Variants in VDR observed in about 807,000 individuals in gnomAD.
VDR encodes the protein vitamin D3 receptor.
In VDR, 19 loss-of-function variants were observed where a neutral mutation model predicts 39.7. The ratio of observed to expected loss-of-function variants is 0.48; its 90% CI spans 0.33 to 0.70. VDR has a LOEUF of 0.70. Ranked by LOEUF, VDR falls within the 30% of genes least tolerant of loss-of-function variation. The probability of loss-of-function intolerance (pLI) is 0.02; values close to 1 mark genes in which losing one functional copy is unlikely to be tolerated. For synonymous variants in VDR, 242 were observed against 215.8 expected, an observed-to-expected ratio of 1.12 and a Z score of -1.07; for missense variants, 442 against 570.5, an observed-to-expected ratio of 0.77 and a Z score of 2.29.
At chr12:47,869,466 G>C (rs1207047996) in intron 3 of VDR, among the ~76,000 whole-genome samples, 1 of 148,790 alleles carries the variant, frequency 6.7e-6, no homozygotes, top group Non-Finnish European at 1.5e-5. Context: ...AACCCGGGAG[G>C]TGGAGCTTGC....
chr12:47,889,207 G>C (rs117770756), intron 1 of VDR, among the ~76,000 whole-genome samples: 15 of 151,988 alleles, frequency 9.9e-5, no homozygotes, highest in Non-Finnish European at 1.3e-4. Flanking sequence ...CATATCCAAG[G>C]CCACACAGTA....
Position 47,844,823 on chromosome 12 carries a change from A to G in VDR, c.1207T>C (p.Cys403Arg). The G allele has an allele frequency of 6.2e-7, 1 of 1,614,230 alleles. No individual in the cohort carries two copies. The highest frequency in any genetic ancestry group is 1.1e-5 in the South Asian group (1 of 91,092). ...LNEEHSKQYR[C>R]LSFQPECSMK... The stretch of plus-strand genomic sequence containing the variant: ...CTGCACTCAGGCTGGAAGGAGAGGC[A>G]GCGGTACTGCTTGGAGTGCTCCTCA... The change falls in exon 10 of 10, where the codon TGC (cysteine) becomes CGC (arginine). Residue 403 changes from cysteine to arginine, a missense_variant. This residue lies in a region of VDR where 173 missense variants were observed against 252.0 expected (regional missense o/e 0.69). Coordinates refer to ENST00000549336, the MANE Select transcript of VDR (RefSeq NM_000376.3).
At chr12:47,848,055 A>G (rs1483857020) in intron 7 of VDR, among the ~76,000 whole-genome samples, 2 of 152,082 alleles carry the variant, frequency 1.3e-5, no homozygotes, top group Non-Finnish European at 2.9e-5. Flanking sequence ...GCCCGCCACC[A>G]TGGCCAGCTA....
In VDR at chr12:47,887,287, A is replaced by G. The variant is rs578032829; in HGVS notation, c.-83-4513T>C. Among the ~76,000 whole-genome samples the G allele has an allele frequency of 5.6e-5, 8 of 142,188 alleles. 1 individual carries two copies. The highest frequency in any genetic ancestry group is 2.2e-4 in the African/African-American group (8 of 36,690). The allele number at this position is 142,188 out of a possible 152,430, so 93.3% of individuals were successfully genotyped here. A position where few individuals can be genotyped will look rare whatever the true frequency, so the allele number is the denominator to read the frequency against. ...CAGTGAGCAGAGATCGCACCGTTGT[A>G]CTCCAGCCTGGGCGACAAGAGTAAA... On this transcript the variant is annotated intron_variant, in intron 1 of 9. Transcript: ENST00000549336.
intron 1 of VDR, among the ~76,000 whole-genome samples, chr12:47,895,961 C>A (rs1267544059): frequency 2.0e-5 from 3 of 152,232 alleles, no homozygotes; most frequent in African/African-American, 4.8e-5. Flanking sequence ...GGCCCCCTGA[C>A]CAGCACACAC....
rs552354793 is a variant in VDR at position 47,869,153 on chromosome 12, T to C, written c.147-3976A>G. ...CTCATTTTTCTCATGTCACTTTAAA[T>C]ATGAAGCTCCATCTCAGATGTCTAT... On this transcript the variant is annotated intron_variant, in intron 3 of 9. Coordinates refer to ENST00000549336, the MANE Select transcript of VDR (RefSeq NM_000376.3). 1.2e-3 allele frequency among the ~76,000 whole-genome samples: 185 copies of C among 152,308 alleles called. 1 individual carries two copies. The highest frequency in any genetic ancestry group is 9.7e-4 in the East Asian group (5 of 5,174).
intron 4 of VDR, among the ~76,000 whole-genome samples, chr12:47,859,923 T>TTCTC (rs1555151337): frequency 2.0e-5 from 1 of 50,956 alleles, no homozygotes; most frequent in Non-Finnish European, 3.8e-5. Context: ...CCTTCTTTCT[T>TTCTC]TTTCTTTCTT....
At chr12:47,857,462 T>C in intron 5 of VDR, 42 bp downstream of exon 5, 1 of 1,613,890 alleles carries the variant, frequency 6.2e-7, no homozygotes, top group Middle Eastern at 1.6e-4. Context: ...CCACTAGTGC[T>C]TCTCCTCTGG....
chr12:47,873,961 C>G (rs146757579), intron 3 of VDR, among the ~76,000 whole-genome samples: 23 of 152,284 alleles, frequency 1.5e-4, no homozygotes, highest in Admixed American at 9.2e-4. Flanking sequence ...ATAACCCAAG[C>G]ACAGGGAAGA....
chr12:47,902,183 G>C (rs547151105), intron 1 of VDR, among the ~76,000 whole-genome samples: 3 of 152,294 alleles, frequency 2.0e-5, no homozygotes, highest in South Asian at 2.1e-4. Flanking sequence ...GTATAACCAT[G>C]CATGGCATCC....
Position 47,878,897 on chromosome 12 carries a change from C to T in VDR, c.146+71G>A, listed in dbSNP as rs532766132. 8.2e-5 allele frequency: 132 copies of T among 1,611,160 alleles called. 1 individual carries two copies. The East Asian group carries it at 1.2e-3, about 15-fold the overall frequency. ...GAAGGAGATGTGAAAAATGCAAGGG[C>T]TCCCTTCATGGAAACACCTTGCTTC... is the stretch of plus-strand genomic sequence containing the variant. On this transcript the variant is annotated intron_variant, in intron 3 of 9. Transcript: ENST00000549336.
At chr12:47,870,709 C>T (rs544771484) in intron 3 of VDR, among the ~76,000 whole-genome samples, 62 of 152,270 alleles carry the variant, frequency 4.1e-4, no homozygotes, top group African/African-American at 1.4e-3. Context: ...ATAACCCAGG[C>T]GTAGGGTCAA....
At chr12:47,881,630 A>T (rs1946152565) in intron 2 of VDR, among the ~76,000 whole-genome samples, 1 of 152,192 alleles carries the variant, frequency 6.6e-6, no homozygotes, top group Non-Finnish European at 1.5e-5. Flanking sequence ...TATTATTAGC[A>T]AAACACTACA....
In VDR at chr12:47,855,497, G is replaced by A. The variant is rs147052214; in HGVS notation, c.755+133C>T. Reference sequence around the variant, plus strand: ...ATCGCGCCACTGCACTCCAGCCTGCGTGACAGAGCAAGATGCCGTTTAAAA... The same window carrying A: ...ATCGCGCCACTGCACTCCAGCCTGCATGACAGAGCAAGATGCCGTTTAAAA... On this transcript the variant is annotated intron_variant, in intron 7 of 9. Coordinates refer to ENST00000549336, the MANE Select transcript of VDR (RefSeq NM_000376.3). 734 of 1,092,054 alleles carry A rather than the reference G, an allele frequency of 6.7e-4. 5 individuals carry two copies. The East Asian group carries it at 0.016, about 24-fold the overall frequency. The allele number at this position is 1,092,054 out of a possible 1,614,324, so 67.6% of individuals were successfully genotyped here. A position where few individuals can be genotyped will look rare whatever the true frequency, so the allele number is the denominator to read the frequency against.
At position 47,857,192 on chromosome 12, in the gene VDR, G is replaced by A. The variant is rs1945507395; in HGVS notation, c.520C>T (p.His174Tyr). ...GAGTCCCCAGAGAAGCTGGGAGTGT[G>A]TCTGGAGTTGGGCCTGGAAGGATGG... ...GSHPSRPNSR[H>Y]TPSFSGDSSS... is the part of the protein sequence containing the mutation. Residue 174 changes from histidine to tyrosine, a missense_variant, in exon 6 of 10, where the codon CAC becomes TAC. By Grantham distance (83) the His-to-Tyr change is moderately conservative. This residue lies in a region of VDR where 77 missense variants were observed against 67.4 expected (regional missense o/e 1.14). Transcript: ENST00000549336. 5 of 1,614,182 alleles carry A rather than the reference G, an allele frequency of 3.1e-6. No homozygotes were observed. The highest frequency in any genetic ancestry group is 4.2e-6 in the Non-Finnish European group (5 of 1,180,028).
chr12:47,889,919 G>C (rs2137230254), intron 1 of VDR, among the ~76,000 whole-genome samples: 1 of 152,218 alleles, frequency 6.6e-6, no homozygotes, highest in African/African-American at 2.4e-5. Flanking sequence ...TCCAGGCTAA[G>C]CATCTGTCTT....
At chr12:47,847,662 T>C (rs953340002) in intron 7 of VDR, among the ~76,000 whole-genome samples, 1 of 152,032 alleles carries the variant, frequency 6.6e-6, no homozygotes, top group Non-Finnish European at 1.5e-5. Context: ...AGCCTCAAAC[T>C]CCTGGGCTCA....
chr12:47,867,708 G>A (rs570709733), intron 3 of VDR, among the ~76,000 whole-genome samples: 1 of 152,364 alleles, frequency 6.6e-6, no homozygotes, highest in African/African-American at 2.4e-5. Context: ...TGAGTGTGAA[G>A]ATGCCCAAGC....
chr12:47,863,076 G>A (rs1057275695), intron 4 of VDR, among the ~76,000 whole-genome samples: 3 of 152,174 alleles, frequency 2.0e-5, no homozygotes, highest in Admixed American at 1.3e-4. Flanking sequence ...GGTGGACATC[G>A]CTTCTGGGCT....
Sources: gnomAD v4.1 joint callset for allele counts (sites outside exome capture counted in the v4.1 genomes callset) on GRCh38, gnomAD v4.1.1 for gene constraint, gnomAD v4.1.1 regional missense constraint, MANE v1.5 for transcripts, NCBI Gene and HGNC (gene_info 2026-07-23, HGNC 2026-07-21) for gene names.